UBTD2: variants seen among roughly 807,000 people sequenced by gnomAD.
UBTD2 encodes the protein ubiquitin domain-containing protein 2.
Under a neutral mutation model 19.8 loss-of-function variants are expected in UBTD2, and 9 were observed. The ratio of observed to expected loss-of-function variants is 0.46; its 90% CI spans 0.27 to 0.79. UBTD2 has a LOEUF of 0.79. Ranked by LOEUF, UBTD2 falls within the 30% of genes least tolerant of loss-of-function variation. The pLI, the probability that UBTD2 is intolerant of heterozygous loss-of-function variation, is 0.14. For missense variants in UBTD2, 250 were observed against 300.4 expected, an observed-to-expected ratio of 0.83 and a Z score of 1.24; for synonymous variants, 98 against 103.9, an observed-to-expected ratio of 0.94 and a Z score of 0.35.
intron 1 of UBTD2, among the ~76,000 whole-genome samples, chr5:172,272,625 T>C (rs1755516713): frequency 6.6e-6 from 1 of 152,200 alleles, no homozygotes; most frequent in Non-Finnish European, 1.5e-5. Flanking sequence ...CCACAAGAGA[T>C]AATTAATTCA....
In UBTD2 at chr5:172,283,719, C is replaced by A. The variant is rs1206515850; in HGVS notation, c.-54G>T. On this transcript the variant is annotated 5_prime_UTR_variant, in exon 1 of 3. Coordinates refer to ENST00000393792, the MANE Select transcript of UBTD2 (RefSeq NM_152277.3). This position sits in a 1 kb window ranked among gnomAD's most constrained non-coding sequence, Gnocchi z 4.3. ...TCCGGACGCTCGTCCGGGCCCGCCG[C>A]CGCCGCCGCTGCAGCCTCCTCCGGC... 41 of 1,174,580 alleles carry A rather than the reference C, an allele frequency of 3.5e-5. No individual in the cohort carries two copies. Among genetic ancestry groups the A allele is most frequent in the Non-Finnish European group, 3.9e-5 (37 of 945,130 alleles). 72.8% of individuals were successfully genotyped at this position (1,174,580 alleles called of 1,614,324 possible).
upstream of UBTD2, chr5:172,283,921 G>C (rs1011288196): frequency 2.6e-5 from 4 of 151,958 alleles, no homozygotes; most frequent in African/African-American, 9.8e-5. The surrounding 1 kb of genome is among the most constrained non-coding windows in gnomAD (Gnocchi z 4.3). Context: ...CCTCGCCTTC[G>C]GCTCAGCCCC....
intron 1 of UBTD2, among the ~76,000 whole-genome samples, chr5:172,276,248 T>C (rs907622227): frequency 4.6e-5 from 7 of 152,088 alleles, no homozygotes; most frequent in African/African-American, 1.2e-4. Flanking sequence ...TAGTACATAA[T>C]AGTGGTTCAA....
At chr5:172,259,586 T>C (rs551975678) in intron 1 of UBTD2, among the ~76,000 whole-genome samples, 78 of 152,242 alleles carry the variant, frequency 5.1e-4, no homozygotes, top group African/African-American at 1.7e-3. Flanking sequence ...GTATATGTAC[T>C]GTATACACCA....
chr5:172,255,311 A>T, intron 1 of UBTD2: 1 of 452,994 alleles, frequency 2.2e-6, no homozygotes, highest in Non-Finnish European at 4.5e-6. Flanking sequence ...TCATCAGGCA[A>T]TTGTGTGGAG....
At chr5:172,216,962 C>G (rs942233571) in intron 2 of UBTD2, among the ~76,000 whole-genome samples, 1 of 150,956 alleles carries the variant, frequency 6.6e-6, no homozygotes, top group African/African-American at 2.4e-5. Flanking sequence ...ACAGACCTTG[C>G]CTAAAAAAAC....
intron 2 of UBTD2, among the ~76,000 whole-genome samples, chr5:172,221,135 T>C (rs757177938): frequency 1.3e-5 from 2 of 152,210 alleles, no homozygotes; most frequent in African/African-American, 4.8e-5. Context: ...TGTTCATGGA[T>C]AGGAAGACTT....
chr5:172,255,695 G>T (rs1213701872), intron 1 of UBTD2, among the ~76,000 whole-genome samples: 1 of 152,174 alleles, frequency 6.6e-6, no homozygotes, highest in Non-Finnish European at 1.5e-5. Flanking sequence ...GTCACATGAT[G>T]CCGGCGCCGC....
chr5:172,259,179 G>A (rs1755218446), intron 1 of UBTD2, among the ~76,000 whole-genome samples: 1 of 152,078 alleles, frequency 6.6e-6, no homozygotes. Context: ...GTCTCGTTAT[G>A]TTACCCAGGC....
chr5:172,260,752 T>C (rs1755250619), intron 1 of UBTD2, among the ~76,000 whole-genome samples: 1 of 152,204 alleles, frequency 6.6e-6, no homozygotes, highest in Non-Finnish European at 1.5e-5. Flanking sequence ...CTGGGTATCA[T>C]TTTATTGTTT....
At chr5:172,239,749 CA>C (rs1332987388) in intron 1 of UBTD2, among the ~76,000 whole-genome samples, 1 of 151,436 alleles carries the variant, frequency 6.6e-6, no homozygotes, top group Non-Finnish European at 1.5e-5. Flanking sequence ...ACCCAAAATA[CA>C]AAAATTAGCC....
At chr5:172,213,037 C>T (rs189966356) in intron 2 of UBTD2, among the ~76,000 whole-genome samples, 11 of 152,054 alleles carry the variant, frequency 7.2e-5, no homozygotes, top group Non-Finnish European at 1.5e-4. Flanking sequence ...GTTGCCCAGG[C>T]TGGAGTGCAG....
chr5:172,254,669 G>T, intron 1 of UBTD2: 1 of 578,330 alleles, frequency 1.7e-6, no homozygotes, highest in Non-Finnish European at 3.1e-6. Context: ...GGATTCCACA[G>T]GTAAAGGTCT....
intron 1 of UBTD2, among the ~76,000 whole-genome samples, chr5:172,282,899 A>G (rs769560995): frequency 3.3e-5 from 5 of 152,132 alleles, no homozygotes; most frequent in African/African-American, 4.8e-5. Context: ...TTTATCCTAC[A>G]TATTTTCCTT....
Position 172,282,754 on chromosome 5 carries a change from T to A in UBTD2, c.70+842A>T, listed in dbSNP as rs889038711. Among the ~76,000 whole-genome samples the A allele has an allele frequency of 3.3e-5, 5 of 152,202 alleles. No individual in the cohort carries two copies. The South Asian group carries it at 1.0e-3, about 31-fold the overall frequency. ...TATTATTATACTGCCATACTACAACTACTACTGATTGAATTAAAATACCTA... is the reference window on the plus strand; with the variant it reads ...TATTATTATACTGCCATACTACAACAACTACTGATTGAATTAAAATACCTA... On this transcript the variant is annotated intron_variant, in intron 1 of 2. Transcript: ENST00000393792.
chr5:172,275,823 T>G (rs1339788776), intron 1 of UBTD2, among the ~76,000 whole-genome samples: 2 of 152,184 alleles, frequency 1.3e-5, no homozygotes, highest in African/African-American at 4.8e-5. Flanking sequence ...AACCAGGGCT[T>G]TTCCCAGATA....
At chr5:172,262,778 G>A (rs552142563) in intron 1 of UBTD2, among the ~76,000 whole-genome samples, 95 of 152,206 alleles carry the variant, frequency 6.2e-4, no homozygotes, top group Non-Finnish European at 1.2e-3. Flanking sequence ...TCACGCCACT[G>A]CCCTCCAGCC....
chr5:172,255,427 C>A, intron 1 of UBTD2: 2 of 497,626 alleles, frequency 4.0e-6, no homozygotes, highest in Non-Finnish European at 4.1e-6. Flanking sequence ...CTGGGTCAAA[C>A]ATGAGCATTC....
rs150601247 is a variant in UBTD2, at chr5:172,235,146, GGTAA to G, written c.71-792_71-789del. ...TTCATTTTAAAAGAACTGCCTAGAA[GGTAA>G]GTGTTTCATCAGACTGTAAGAGCAG... On this transcript the variant is annotated intron_variant, in intron 1 of 2. Coordinates refer to ENST00000393792, the MANE Select transcript of UBTD2 (RefSeq NM_152277.3). Among the ~76,000 whole-genome samples, 482 of 152,184 alleles carry G rather than the reference GGTAA, an allele frequency of 3.2e-3. 1 individual carries two copies. The highest frequency in any genetic ancestry group is 0.011 in the African/African-American group (467 of 41,506).
Sources: allele counts gnomAD v4.1 joint callset (sites outside exome capture counted in the v4.1 genomes callset), GRCh38; gene constraint gnomAD v4.1.1; non-coding constraint Gnocchi (gnomAD v3.1); transcripts MANE v1.5; gene names NCBI Gene and HGNC (gene_info 2026-07-23, HGNC 2026-07-21).